KNTC1: variants seen among roughly 807,000 people sequenced by gnomAD.
KNTC1 encodes the protein kinetochore associated 1.
In KNTC1, 253 loss-of-function variants were observed where a neutral mutation model predicts 314.4. The observed-to-expected ratio is 0.80, with a 90% CI of 0.73 to 0.89. The LOEUF (loss-of-function observed/expected upper bound fraction) is 0.89. Ranked by LOEUF, KNTC1 falls within the 40% of genes least tolerant of loss-of-function variation. The pLI, the probability that KNTC1 is intolerant of heterozygous loss-of-function variation, is 0.00. For synonymous variants in KNTC1, 901 were observed against 901.4 expected, an observed-to-expected ratio of 1.00 and a Z score of 0.01; for missense variants, 2,475 against 2,572.9, an observed-to-expected ratio of 0.96 and a Z score of 0.82.
chr12:122,602,987 T>G, intron 47 of KNTC1, 40 bp from the exon 48 acceptor site: 1 of 1,578,920 alleles, frequency 6.3e-7, no homozygotes, highest in South Asian at 1.1e-5. Flanking sequence ...ACCTTATATG[T>G]GAATATGTGC....
In KNTC1 at chr12:122,603,008, ACCTT is replaced by A; in HGVS notation, c.4885-14_4885-11del. 1 of 1,607,500 alleles carries A rather than the reference ACCTT, an allele frequency of 6.2e-7. No individual in the cohort carries two copies. Among genetic ancestry groups the A allele is most frequent in the Non-Finnish European group, 8.5e-7 (1 of 1,174,988 alleles). On this transcript the variant is annotated splice_polypyrimidine_tract_variant and intron_variant, in intron 47 of 63. Transcript: ENST00000333479. ...TATGTGAATATGTGCTTCAGCCATA[ACCTT>A]CCTTTTCTTTGAAGTTCTCTCTGGA...
intron 24 of KNTC1, among the ~76,000 whole-genome samples, chr12:122,572,157 C>T (rs1042645919): frequency 2.4e-4 from 36 of 152,012 alleles, no homozygotes; most frequent in African/African-American, 8.7e-4. Context: ...TTTGGGAGGC[C>T]GAGATGGGCA....
rs549589447 is a variant in KNTC1, at chr12:122,618,161, G to A, written c.6031-182G>A. Among the ~76,000 whole-genome samples the A allele has an allele frequency of 1.2e-4, 19 of 152,172 alleles. No individual in the cohort carries two copies. The South Asian group carries it at 3.5e-3, about 28-fold the overall frequency. On this transcript the variant is annotated intron_variant, in intron 57 of 63. Coordinates refer to ENST00000333479, the MANE Select transcript of KNTC1 (RefSeq NM_014708.6). ...TAATTTTTGTATTTTTAGTAGAGAC[G>A]GGGTTTTGCCATATTGGCCAGGCTG...
At chr12:122,573,457 G>A (rs1490323245) in intron 26 of KNTC1, among the ~76,000 whole-genome samples, 172 bp downstream of exon 26, 4 of 152,140 alleles carry the variant, frequency 2.6e-5, no homozygotes, top group African/African-American at 4.8e-5. Flanking sequence ...TGAGCAAAGG[G>A]GGGATACATG....
chr12:122,556,752 C>T (rs191092004), intron 16 of KNTC1, among the ~76,000 whole-genome samples: 26 of 152,024 alleles, frequency 1.7e-4, no homozygotes, highest in Non-Finnish European at 2.6e-4. Context: ...CGTGAGCCAC[C>T]GTGCCCGACC....
intron 19 of KNTC1, 33 bp downstream of exon 19, chr12:122,562,007 G>T (rs750388343): frequency 6.4e-7 from 1 of 1,571,106 alleles, no homozygotes; most frequent in African/African-American, 1.4e-5. Flanking sequence ...TTAATATGTG[G>T]GTGAATATAC....
chr12:122,570,901 A>G lies in KNTC1; in HGVS notation c.1886A>G (p.Gln629Arg). Residue 629 changes from glutamine (Q) to arginine (R), a missense_variant, in exon 23 of 64, where the codon CAA (glutamine) becomes CGA (arginine). Transcript: ENST00000333479. ...ATAATTCTTGCAAAATGGTTGGAAC[A>G]AGCAGCCAGGAACCTTGAATTAACT... ...GQIILAKWLE[Q>R]AARNLELTDK... 5.1e-6 allele frequency: 8 copies of G among 1,559,456 alleles called. No individual in the cohort carries two copies. Among genetic ancestry groups the G allele is most frequent in the Non-Finnish European group, 7.0e-6 (8 of 1,149,250 alleles).
chr12:122,573,264 A>C lies in KNTC1; in HGVS notation c.2262A>C (p.Glu754Asp). Residue 754 changes from glutamate (E) to aspartate (D), a missense_variant, in exon 26 of 64, where the codon GAA becomes GAC. Transcript: ENST00000333479. ...YMREHDLQEE[E>D]LLLLYIEDLL... ...GAGAACATGACTTGCAAGAGGAGGA[A>C]CTTCTCTTGCTGTACATAGAGGTAA... The C allele has an allele frequency of 6.2e-7, 1 of 1,613,540 alleles. No individual in the cohort carries two copies. Among genetic ancestry groups the C allele is most frequent in the Non-Finnish European group, 8.5e-7 (1 of 1,179,544 alleles).
chr12:122,546,234 C>T lies in KNTC1; in HGVS notation c.728C>T (p.Thr243Ile). ...CCAGATTCTTCCAAGAAAGGAATGA[C>T]AGTTAAGAACCTTATTGATGCAGAG... The part of the protein sequence containing the change: ...WEPDSSKKGM[T>I]VKNLIDAEII... The change falls in exon 9 of 64, where the codon ACA (threonine) becomes ATA (isoleucine). Residue 243 changes from threonine (T) to isoleucine (I), a missense_variant. Physicochemically the swap from Thr to Ile is moderately conservative, Grantham distance 89 (BLOSUM62 -1). Transcript: ENST00000333479. 2 of 1,602,986 alleles carry T rather than the reference C, an allele frequency of 1.2e-6. No individual in the cohort carries two copies. The highest frequency in any genetic ancestry group is 1.7e-6 in the Non-Finnish European group (2 of 1,170,222).
intron 51 of KNTC1, among the ~76,000 whole-genome samples, chr12:122,606,222 C>CTTTTTTTT (rs34344479): frequency 9.1e-6 from 1 of 109,784 alleles, no homozygotes; most frequent in African/African-American, 3.5e-5. Context: ...AGATTGTTTA[C>CTTTTTTTT]TTTTTTTTTT....
At chr12:122,557,084 A>T (rs1246247184) in intron 16 of KNTC1, among the ~76,000 whole-genome samples, 1 of 151,944 alleles carries the variant, frequency 6.6e-6, no homozygotes, top group African/African-American at 2.4e-5. Flanking sequence ...ACCACATTTT[A>T]TTTATTCACT....
At chr12:122,592,093 G>T (rs1870298218) in intron 42 of KNTC1, among the ~76,000 whole-genome samples, 1 of 152,128 alleles carries the variant, frequency 6.6e-6, no homozygotes, top group Non-Finnish European at 1.5e-5. Flanking sequence ...GGGTGGATGT[G>T]GGCTTGGCGG....
chr12:122,604,834 C>T (rs566651882), intron 49 of KNTC1, 43 bp from the exon 50 acceptor site: 3 of 1,542,998 alleles, frequency 1.9e-6, no homozygotes, highest in Admixed American at 1.9e-5. Flanking sequence ...TCAACTGAGG[C>T]TTACAAAGTA....
chr12:122,546,588 A>G (rs750510225), intron 9 of KNTC1, 34 bp from the exon 10 acceptor site: 18 of 1,391,788 alleles, frequency 1.3e-5, no homozygotes, highest in Non-Finnish European at 1.6e-5. Flanking sequence ...ATATTGAAAT[A>G]AAATCCTGAG....
rs149774808 is a variant in KNTC1, at chr12:122,569,910, A to G, written c.1860+86A>G. ...TTGAGAATTAAGTCACGTTAACACC[A>G]GTTAACACCAGTTAGTTAAGCTAAC... On this transcript the variant is annotated intron_variant, in intron 22 of 63. Coordinates refer to ENST00000333479, the MANE Select transcript of KNTC1 (RefSeq NM_014708.6). 455 of 1,105,516 alleles carry G rather than the reference A, an allele frequency of 4.1e-4. 1 individual carries two copies. The East Asian group carries it at 0.01, about 25-fold the overall frequency. The allele number at this position is 1,105,516 out of a possible 1,614,324, so 68.5% of individuals were successfully genotyped here.
intron 59 of KNTC1, among the ~76,000 whole-genome samples, chr12:122,618,819 C>T (rs1874079966): frequency 6.6e-6 from 1 of 151,946 alleles, no homozygotes; most frequent in Non-Finnish European, 1.5e-5. Context: ...CAGGCACGTG[C>T]CACCATGCCC....
chr12:122,553,147 A>G (rs1240304346), intron 16 of KNTC1, among the ~76,000 whole-genome samples: 6 of 147,336 alleles, frequency 4.1e-5, no homozygotes, highest in Non-Finnish European at 8.9e-5. Flanking sequence ...ACACAGCAAG[A>G]CTCTGTCTCA....
At chr12:122,557,270 C>A in intron 16 of KNTC1, 114 bp from the exon 17 acceptor site, 1 of 915,330 alleles carries the variant, frequency 1.1e-6, no homozygotes, top group Non-Finnish European at 1.7e-6. Context: ...TCCTGGAGCG[C>A]ATGAGGATTC....
intron 8 of KNTC1, among the ~76,000 whole-genome samples, chr12:122,545,515 A>G (rs1962690910): frequency 1.3e-5 from 2 of 152,232 alleles, no homozygotes; most frequent in Admixed American, 6.5e-5. Context: ...TTTAAAATTA[A>G]TATTTATAAA....
Sources: gnomAD v4.1 joint callset for allele counts (sites outside exome capture counted in the v4.1 genomes callset) on GRCh38, gnomAD v4.1.1 for gene constraint, MANE v1.5 for transcripts, NCBI Gene and HGNC (gene_info 2026-07-23, HGNC 2026-07-21) for gene names.